The following HSPBAP1 variants were observed in gnomAD, a reference collection of about 807,000 sequenced individuals.
The protein encoded by HSPBAP1 is HSPB1 associated protein 1, also known as HSPB1-associated protein 1.
A neutral mutation model predicts 45.2 loss-of-function variants in HSPBAP1; 27 were observed. The observed-to-expected ratio is 0.60, with a 90% CI of 0.44 to 0.82. The LOEUF (loss-of-function observed/expected upper bound fraction) is 0.82. Among genes scored for constraint, HSPBAP1 ranks in the 40% least tolerant of loss-of-function variants. HSPBAP1 has a pLI of 0.00. For missense variants in HSPBAP1, 510 were observed against 590.9 expected (o/e 0.86, Z 1.42); for synonymous variants, 204 against 202.7 (o/e 1.01, Z -0.06).
At chr3:122,764,033 C>G (rs962262753) in intron 3 of HSPBAP1, among the ~76,000 whole-genome samples, 4 of 152,256 alleles carry the variant, frequency 2.6e-5, no homozygotes, top group Non-Finnish European at 5.9e-5. Context: ...GAAGCCTTCT[C>G]AACCGCTTGT....
chr3:122,776,431 C>T (rs1181890954), intron 2 of HSPBAP1, among the ~76,000 whole-genome samples: 1 of 152,152 alleles, frequency 6.6e-6, no homozygotes, highest in Non-Finnish European at 1.5e-5. Context: ...ATAACAGCAG[C>T]TCTGTCCTAA....
chr3:122,780,827 C>T (rs1169110011), intron 1 of HSPBAP1, among the ~76,000 whole-genome samples: 1 of 147,704 alleles, frequency 6.8e-6, no homozygotes, highest in East Asian at 2.0e-4. Context: ...AGGGTCTCCT[C>T]ACTTCTCAGA....
chr3:122,779,512 A>ATTTATTTATTTAT lies in HSPBAP1; in HGVS notation c.65-1607_65-1606insATAAATAAATAAA, dbSNP rs1209817362. On this transcript the variant is annotated intron_variant, in intron 1 of 7. Transcript: ENST00000306103. ...TTTTCTTTTATTTATTTATTTATTT[A>ATTTATTTATTTAT]TTTATTTATTTTTTATTGATCATTC... is the stretch of plus-strand genomic sequence containing the variant. 1.7e-4 allele frequency among the ~76,000 whole-genome samples: 24 copies of ATTTATTTATTTAT among 143,304 alleles called. 1 individual carries two copies. In the East Asian group the frequency reaches 3.9e-3, roughly 23 times the overall value. The allele number at this position is 143,304 out of a possible 152,430, so 94.0% of individuals were successfully genotyped here. A position where few individuals can be genotyped will look rare whatever the true frequency, so the allele number is the denominator to read the frequency against.
intron 1 of HSPBAP1, among the ~76,000 whole-genome samples, chr3:122,781,925 T>C (rs942999475): frequency 6.6e-6 from 1 of 152,350 alleles, no homozygotes; most frequent in East Asian, 1.9e-4. Flanking sequence ...AATGCTGTGA[T>C]AAACACATGA....
At chr3:122,743,006 G>A (rs1298972659) in intron 6 of HSPBAP1, among the ~76,000 whole-genome samples, 1 of 152,166 alleles carries the variant, frequency 6.6e-6, no homozygotes, top group Non-Finnish European at 1.5e-5. Context: ...GGATCATATG[G>A]TGTATCGGAG....
chr3:122,743,688 C>T (rs561096751), intron 6 of HSPBAP1, among the ~76,000 whole-genome samples: 48 of 151,820 alleles, frequency 3.2e-4, no homozygotes, highest in African/African-American at 1.0e-3. Context: ...GAAAGAGAAC[C>T]AATAGAAAAA....
intron 5 of HSPBAP1, chr3:122,753,844 G>A (rs1432786146): frequency 2.0e-6 from 2 of 984,674 alleles, no homozygotes; most frequent in South Asian, 4.7e-5. Context: ...TTAAAGAATG[G>A]ATAGGATGTA....
chr3:122,752,561 A>ACT, intron 6 of HSPBAP1, 30 bp downstream of exon 6: 1 of 49,314 alleles, frequency 2.0e-5, no homozygotes, highest in Non-Finnish European at 4.5e-5. Flanking sequence ...GCACTTACTT[A>ACT]AAAAAAAAAA....
At chr3:122,747,601 C>A in intron 6 of HSPBAP1, among the ~76,000 whole-genome samples, 1 of 150,268 alleles carries the variant, frequency 6.7e-6, no homozygotes, top group African/African-American at 2.4e-5. Context: ...AGCGCCCCGC[C>A]CGGCCAGCCG....
At position 122,740,546 on chromosome 3, in the gene HSPBAP1, T is replaced by A. The variant is rs145740783; in HGVS notation, c.1266A>T (p.Gly422=). 239 of 1,614,222 alleles carry A rather than the reference T, an allele frequency of 1.5e-4. 2 individuals carry two copies. The South Asian group carries it at 1.6e-3, about 11-fold the overall frequency. The part of the protein sequence containing the change: ...SDGKDFVDKD[G]EHFGKLHCAK... ...CACAATGCAATTTTCCAAAGTGTTC[T>A]CCATCCTTGTCCACAAAGTCTTTCC... is the stretch of plus-strand genomic sequence containing the variant. Residue 422 remains glycine, a synonymous_variant, in exon 8 of 8, where the codon GGA becomes GGT. Transcript: ENST00000306103.
chr3:122,745,843 ATCT>A (rs1051536798), intron 6 of HSPBAP1, among the ~76,000 whole-genome samples: 2 of 152,226 alleles, frequency 1.3e-5, no homozygotes, highest in East Asian at 1.9e-4. Flanking sequence ...GTAAGAAGAA[ATCT>A]TCTATCTACA....
chr3:122,769,061 G>A (rs531954513), intron 2 of HSPBAP1, among the ~76,000 whole-genome samples, 179 bp from the exon 3 acceptor site: 7 of 152,180 alleles, frequency 4.6e-5, no homozygotes. Flanking sequence ...GGAGGTTGAG[G>A]CAGGAAGATG....
intron 6 of HSPBAP1, among the ~76,000 whole-genome samples, chr3:122,747,204 T>C (rs1368964336): frequency 6.8e-6 from 1 of 147,668 alleles, no homozygotes; most frequent in Non-Finnish European, 1.5e-5. Flanking sequence ...ATCTAGGAAG[T>C]GAGGAGTGCC....
intron 2 of HSPBAP1, among the ~76,000 whole-genome samples, chr3:122,775,811 T>G (rs1447589329): frequency 6.6e-6 from 1 of 152,212 alleles, no homozygotes; most frequent in Admixed American, 6.5e-5. Context: ...CACAAAAACA[T>G]GTACATGAAT....
intron 4 of HSPBAP1, among the ~76,000 whole-genome samples, chr3:122,758,401 T>G (rs1560126574): frequency 6.6e-6 from 1 of 152,180 alleles, no homozygotes; most frequent in Non-Finnish European, 1.5e-5. Context: ...AACAATACAC[T>G]GTATTGTGTC....
At chr3:122,792,754 C>T (rs1935872478) in intron 1 of HSPBAP1, among the ~76,000 whole-genome samples, 1 of 152,028 alleles carries the variant, frequency 6.6e-6, no homozygotes, top group African/African-American at 2.4e-5. Flanking sequence ...GCTTGTAGTC[C>T]CAGCTGCTTG....
At chr3:122,768,311 C>G (rs1316707186) in intron 3 of HSPBAP1, among the ~76,000 whole-genome samples, 1 of 152,200 alleles carries the variant, frequency 6.6e-6, no homozygotes, top group Non-Finnish European at 1.5e-5. Context: ...CTGGTCACAG[C>G]CCAAGGAATG....
chr3:122,791,517 C>T (rs1054683772), intron 1 of HSPBAP1, among the ~76,000 whole-genome samples: 1 of 152,238 alleles, frequency 6.6e-6, no homozygotes, highest in Non-Finnish European at 1.5e-5. Flanking sequence ...GACATAGGTC[C>T]TGCCCTCAAG....
intron 3 of HSPBAP1, among the ~76,000 whole-genome samples, chr3:122,762,251 C>T (rs1290762625): frequency 6.6e-6 from 1 of 151,342 alleles, no homozygotes; most frequent in African/African-American, 2.4e-5. Flanking sequence ...TATCAGAAAA[C>T]TGTCCAACTT....
Sources: allele counts gnomAD v4.1 joint callset (sites outside exome capture counted in the v4.1 genomes callset), GRCh38; gene constraint gnomAD v4.1.1; transcripts MANE v1.5; gene names NCBI Gene and HGNC (gene_info 2026-07-23, HGNC 2026-07-21).